The following HNRNPK variants were observed in gnomAD, a reference collection of about 807,000 sequenced individuals.
The protein encoded by HNRNPK is heterogeneous nuclear ribonucleoprotein K.
HNRNPK carries 7 observed loss-of-function variants against 67.0 expected under a neutral mutation model. That is an observed-to-expected ratio of 0.10 (90% CI 0.06 to 0.20). The LOEUF (loss-of-function observed/expected upper bound fraction) is 0.20, where lower values mean the gene tolerates loss of function less well. Among genes scored for constraint, HNRNPK ranks in the 10% least tolerant of loss-of-function variants. The probability of loss-of-function intolerance (pLI) is 1.00; values close to 1 mark genes in which losing one functional copy is unlikely to be tolerated. For missense variants in HNRNPK, 264 were observed against 606.5 expected, an observed-to-expected ratio of 0.44 and a Z score of 5.93; for synonymous variants, 213 against 193.7, an observed-to-expected ratio of 1.10 and a Z score of -0.83.
Position 83,972,982 on chromosome 9 carries a change from G to A in HNRNPK, c.517-10C>T, listed in dbSNP as rs760834546. On this transcript the variant is annotated splice_polypyrimidine_tract_variant and intron_variant, in intron 9 of 16. Transcript: ENST00000376263. The stretch of plus-strand genomic sequence containing the variant: ...TGGTGGTTTGAGTGTTCTGTAGTAA[G>A]ATCATAAAAAAAAATAATAATAATT... 1.2e-5 allele frequency: 18 copies of A among 1,557,934 alleles called. No individual in the cohort carries two copies. The highest frequency in any genetic ancestry group is 1.5e-5 in the Non-Finnish European group (17 of 1,150,724).
intron 7 of HNRNPK, 132 bp downstream of exon 7, chr9:83,974,385 T>C (rs1046081406): frequency 1.7e-5 from 8 of 484,454 alleles, no homozygotes; most frequent in African/African-American, 1.4e-4. Flanking sequence ...CAAAATTATG[T>C]AGCAGGTTAA....
rs1327450403 is a variant in HNRNPK at position 83,972,912 on chromosome 9, C to T, written c.577G>A (p.Val193Ile). 1.2e-6 allele frequency: 2 copies of T among 1,610,342 alleles called. No individual in the cohort carries two copies. Among genetic ancestry groups the T allele is most frequent in the Admixed American group, 3.3e-5 (2 of 59,990 alleles). ...CTATCGGGTTTTCCTCCAATAAGAACAACTCTGTCAGTGGAATGAGGACAG... is the reference window on the plus strand; with the variant it reads ...CTATCGGGTTTTCCTCCAATAAGAATAACTCTGTCAGTGGAATGAGGACAG... ...ECCPHSTDRVVLIGGKPDRVV... is the reference protein window; with the variant it reads ...ECCPHSTDRVILIGGKPDRVV... The change falls in exon 10 of 17, where the codon GTT (valine) becomes ATT (isoleucine). Residue 193 changes from valine to isoleucine, a missense_variant. Around this residue, in one of 6 missense-constraint regions of HNRNPK, gnomAD observed 18 missense variants for 84.5 expected, o/e 0.21. Transcript: ENST00000376263.
chr9:83,977,302 A>G (rs1392545004), intron 4 of HNRNPK, among the ~76,000 whole-genome samples: 1 of 152,242 alleles, frequency 6.6e-6, no homozygotes, highest in African/African-American at 2.4e-5. Context: ...AACTAAGCAC[A>G]GATTTTATAG....
intron 16 of HNRNPK, 129 bp from the exon 17 acceptor site, chr9:83,969,569 C>A: frequency 1.5e-6 from 1 of 679,928 alleles, no homozygotes; most frequent in Non-Finnish European, 2.6e-6. Flanking sequence ...AGTTCAAAAA[C>A]CATTAGCAAT....
chr9:83,973,987 AAT>A lies in HNRNPK; in HGVS notation c.331-16_331-15del. 1 of 1,586,950 alleles carries A rather than the reference AAT, an allele frequency of 6.3e-7. No individual in the cohort carries two copies. Among genetic ancestry groups the A allele is most frequent in the Non-Finnish European group, 8.7e-7 (1 of 1,155,184 alleles). On this transcript the variant is annotated splice_polypyrimidine_tract_variant and intron_variant, in intron 7 of 16. Coordinates refer to ENST00000376263, the MANE Select transcript of HNRNPK (RefSeq NM_031263.4). ...CAACTGCAGGCCCTGAAAGTAGAAA[AAT>A]AAGAGTAATAGGTTAAGTGTCTAGC... is the stretch of plus-strand genomic sequence containing the variant.
At position 83,968,872 on chromosome 9, in the gene HNRNPK, A is replaced by T. The variant is rs1956695735; in HGVS notation, c.*535T>A. On this transcript the variant is annotated 3_prime_UTR_variant, in exon 17 of 17. Coordinates refer to ENST00000376263, the MANE Select transcript of HNRNPK (RefSeq NM_031263.4). ...GGTTGGGAAATTCAGCCACCATTTT[A>T]AAATGACTGTCTTAAAAAAAAAATG... 6.5e-6 allele frequency: 1 copy of T among 153,542 alleles called. No individual in the cohort carries two copies. Among genetic ancestry groups the T allele is most frequent in the Non-Finnish European group, 1.5e-5 (1 of 68,696 alleles). 9.5% of individuals were successfully genotyped at this position (153,542 alleles called of 1,614,324 possible).
At chr9:83,972,317 C>T (rs773366853) in intron 10 of HNRNPK, 128 bp from the exon 11 acceptor site, 5 of 692,270 alleles carry the variant, frequency 7.2e-6, no homozygotes, top group Non-Finnish European at 1.2e-5. Flanking sequence ...GAGACAGAAA[C>T]AGGAATTATG....
chr9:83,977,856 A>G (rs957093273), intron 3 of HNRNPK, 70 bp from the exon 4 acceptor site: 1 of 958,266 alleles, frequency 1.0e-6, no homozygotes, highest in Non-Finnish European at 1.7e-6. Context: ...CTGTTTCAAG[A>G]GACTTGTTGC....
chr9:83,969,583 A>T, intron 16 of HNRNPK, 143 bp from the exon 17 acceptor site: 3 of 649,858 alleles, frequency 4.6e-6, no homozygotes, highest in Non-Finnish European at 8.3e-6. Flanking sequence ...TAGCAATTAC[A>T]AATTAAAGCA....
At chr9:83,979,596 C>G (rs1588443551) in intron 1 of HNRNPK, among the ~76,000 whole-genome samples, 1 of 152,154 alleles carries the variant, frequency 6.6e-6, no homozygotes, top group South Asian at 2.1e-4. Flanking sequence ...GCAGAAGCAC[C>G]GCACCTCTCC....
chr9:83,976,971 G>A, intron 5 of HNRNPK, 24 bp downstream of exon 5: 1 of 1,438,860 alleles, frequency 6.9e-7, no homozygotes, highest in Non-Finnish European at 9.7e-7. Context: ...TGCTCGTGTA[G>A]TAGTTTAAAC....
chr9:83,975,949 T>C (rs1427873675), intron 5 of HNRNPK, among the ~76,000 whole-genome samples: 1 of 152,060 alleles, frequency 6.6e-6, no homozygotes, highest in Non-Finnish European at 1.5e-5. Context: ...CTCATGAGGG[T>C]AGACACAAAA....
At chr9:83,971,423 C>T in intron 12 of HNRNPK, 67 bp from the exon 13 acceptor site, 2 of 1,088,282 alleles carry the variant, frequency 1.8e-6, no homozygotes, top group Non-Finnish European at 2.8e-6. Context: ...TTTTAATATG[C>T]CTAATTTGCA....
At position 83,970,263 on chromosome 9, in the gene HNRNPK, C is replaced by T. The variant is rs751986467; in HGVS notation, c.1260G>A (p.Ser420=). ...IKQIRHESGA[S]IKIDEPLEGS... ...CTTCTAAAGGCTCATCAATTTTGAT[C>T]GAAGCTCCCGACTCATGACGGATTT... The change falls in exon 16 of 17, where the codon TCG becomes TCA. Residue 420 remains serine (S), a synonymous_variant. Transcript: ENST00000376263. 39 of 1,613,658 alleles carry T rather than the reference C, an allele frequency of 2.4e-5. No homozygotes were observed. The Middle Eastern group carries it at 3.3e-3, about 136-fold the overall frequency.
upstream of HNRNPK, chr9:83,980,447 G>A (rs1588449089): frequency 6.5e-6 from 1 of 152,724 alleles, no homozygotes; most frequent in Admixed American, 6.5e-5. Flanking sequence ...AGCCTTTCAG[G>A]GAGCCCCAAC....
At chr9:83,974,097 T>G in intron 7 of HNRNPK, 124 bp from the exon 8 acceptor site, 1 of 603,248 alleles carries the variant, frequency 1.7e-6, no homozygotes, top group Non-Finnish European at 2.9e-6. Flanking sequence ...AGAAACTGCT[T>G]TATTCAACAT....
intron 8 of HNRNPK, 118 bp from the exon 9 acceptor site, chr9:83,973,517 C>T (rs1956948217): frequency 1.0e-5 from 7 of 676,870 alleles, no homozygotes; most frequent in Admixed American, 2.5e-5. Context: ...ATTTATATTT[C>T]AATAACTTTA....
In HNRNPK at chr9:83,979,213, T is replaced by C. The variant is rs114891656; in HGVS notation, c.-107-761A>G. ...TTGACAAGCGGCCTCTACTAGAAGG[T>C]TGGCTAGACAGCAAAGAGCCAACAA... On this transcript the variant is annotated intron_variant, in intron 1 of 16. Coordinates refer to ENST00000376263, the MANE Select transcript of HNRNPK (RefSeq NM_031263.4). Among the ~76,000 whole-genome samples, 897 of 152,198 alleles carry C rather than the reference T, an allele frequency of 5.9e-3. 8 individuals carry two copies. Among genetic ancestry groups the C allele is most frequent in the African/African-American group, 0.021 (853 of 41,506 alleles).
chr9:83,971,235 T>C (rs1422874346), intron 13 of HNRNPK, 38 bp downstream of exon 13: 1 of 1,311,330 alleles, frequency 7.6e-7, no homozygotes, highest in South Asian at 1.2e-5. Context: ...CATCTTAAAT[T>C]ATCACTGATA....
Sources: gnomAD v4.1 joint callset for allele counts (sites outside exome capture counted in the v4.1 genomes callset) on GRCh38, gnomAD v4.1.1 for gene constraint, gnomAD v4.1.1 regional missense constraint, MANE v1.5 for transcripts, NCBI Gene and HGNC (gene_info 2026-07-23, HGNC 2026-07-21) for gene names.